The following LRFN2 variants were observed in gnomAD, a reference collection of about 807,000 sequenced individuals.
The protein encoded by LRFN2 is leucine-rich repeat and fibronectin type-III domain-containing protein 2.
A neutral mutation model predicts 37.3 loss-of-function variants in LRFN2; 18 were observed. The observed-to-expected ratio is 0.48, with a 90% CI of 0.33 to 0.72. LRFN2 has a LOEUF of 0.72. Among genes scored for constraint, LRFN2 ranks in the 30% least tolerant of loss-of-function variants. LRFN2 has a pLI of 0.02. For missense variants in LRFN2, 1,006 were observed against 1,060.7 expected (o/e 0.95, Z 0.72); for synonymous variants, 556 against 466.6 (o/e 1.19, Z -2.47).
chr6:40,543,388 C>T (rs1561901924), intron 1 of LRFN2, among the ~76,000 whole-genome samples: 1 of 152,182 alleles, frequency 6.6e-6, no homozygotes, highest in Non-Finnish European at 1.5e-5. Context: ...ATATGAGTCA[C>T]ATTATTGACT....
At chr6:40,498,794 C>A (rs1765299698) in intron 1 of LRFN2, among the ~76,000 whole-genome samples, 1 of 152,194 alleles carries the variant, frequency 6.6e-6, no homozygotes, top group Non-Finnish European at 1.5e-5. Flanking sequence ...GAGGCACAGA[C>A]ACTTTGCCTC....
chr6:40,511,053 G>T lies in LRFN2; in HGVS notation c.-19+75888C>A, dbSNP rs1171869918. On this transcript the variant is annotated intron_variant, in intron 1 of 2. Coordinates refer to ENST00000338305, the MANE Select transcript of LRFN2 (RefSeq NM_020737.3). ...GAGGGAGAGAGGTGAGACCATGGGG[G>T]AGAAGGCCAAAGGGAGCCTGGGGCA... Among the ~76,000 whole-genome samples, 5 of 152,280 alleles carry T rather than the reference G, an allele frequency of 3.3e-5. 1 individual carries two copies. In the East Asian group the frequency reaches 9.6e-4, roughly 29 times the overall value.
chr6:40,568,371 T>C (rs1020759460), intron 1 of LRFN2, among the ~76,000 whole-genome samples: 2 of 152,176 alleles, frequency 1.3e-5, no homozygotes, highest in African/African-American at 4.8e-5. Flanking sequence ...AGATGGTATA[T>C]TGGAAATTGA....
intron 1 of LRFN2, among the ~76,000 whole-genome samples, chr6:40,495,323 G>C (rs1163605331): frequency 6.6e-6 from 1 of 152,100 alleles, no homozygotes; most frequent in East Asian, 1.9e-4. Flanking sequence ...TGAAAAACAT[G>C]GCTCCCTATT....
chr6:40,499,315 G>A (rs1765314281), intron 1 of LRFN2, among the ~76,000 whole-genome samples: 1 of 152,140 alleles, frequency 6.6e-6, no homozygotes, highest in South Asian at 2.1e-4. Context: ...TCAGGACGGG[G>A]CCAAGCACAG....
At chr6:40,478,801 C>A (rs55804822) in intron 1 of LRFN2, among the ~76,000 whole-genome samples, 18,814 of 152,150 alleles carry the variant, frequency 0.12, 2,719 homozygotes, top group African/African-American at 0.35. Context: ...GTGTGTGAGG[C>A]CACATTCTGA....
chr6:40,515,218 G>A (rs1765828362), intron 1 of LRFN2, among the ~76,000 whole-genome samples: 1 of 152,158 alleles, frequency 6.6e-6, no homozygotes, highest in Non-Finnish European at 1.5e-5. Flanking sequence ...GGATCCAGAG[G>A]GATGCTGAGG....
At chr6:40,566,599 C>T (rs1391285005) in intron 1 of LRFN2, among the ~76,000 whole-genome samples, 5 of 151,622 alleles carry the variant, frequency 3.3e-5, no homozygotes, top group Non-Finnish European at 5.9e-5. Context: ...ATGGATGAAG[C>T]TGGAAACCAT....
chr6:40,577,060 G>A (rs1043809757), intron 1 of LRFN2, among the ~76,000 whole-genome samples: 2 of 90,592 alleles, frequency 2.2e-5, no homozygotes, highest in Non-Finnish European at 4.9e-5. Flanking sequence ...CCCTCTTCTG[G>A]GTCCTGGTCC....
intron 1 of LRFN2, among the ~76,000 whole-genome samples, chr6:40,571,049 C>T (rs1037220414): frequency 3.9e-5 from 6 of 152,290 alleles, no homozygotes; most frequent in African/African-American, 1.4e-4. Context: ...GCAAGAGGCC[C>T]CGGAAGCAGA....
chr6:40,441,475 A>G (rs771460241), intron 1 of LRFN2, among the ~76,000 whole-genome samples: 2 of 152,114 alleles, frequency 1.3e-5, no homozygotes, highest in Non-Finnish European at 2.9e-5. Context: ...GCTGGATTTC[A>G]CCAGTGGGGG....
Position 40,415,699 on chromosome 6 carries a change from T to A in LRFN2, c.1400+16015A>T, listed in dbSNP as rs144354132. On this transcript the variant is annotated intron_variant, in intron 2 of 2. Coordinates refer to ENST00000338305, the MANE Select transcript of LRFN2 (RefSeq NM_020737.3). ...AATAGTTGTTTAACGTTTGTCTGCC[T>A]GGGAGATGCGAGTTGCAGGAGGGCA... 4.2e-3 allele frequency among the ~76,000 whole-genome samples: 638 copies of A among 152,314 alleles called. 26 individuals are homozygous for A. In the East Asian group the frequency reaches 0.064, roughly 15 times the overall value.
intron 2 of LRFN2, among the ~76,000 whole-genome samples, chr6:40,407,109 A>G (rs1762863115): frequency 6.6e-6 from 1 of 152,228 alleles, no homozygotes; most frequent in African/African-American, 2.4e-5. Flanking sequence ...TTGCTTAAAC[A>G]GTGTCCCCAC....
rs1234796467 is a variant in LRFN2 at position 40,432,586 on chromosome 6, G to A, written c.528C>T (p.His176=). ...WDSVRRMVNL[H]QLSLDHNLLD... ...GCAGGTTGTGGTCCAGGCTCAGCTG[G>A]TGGAGGTTGACCATGCGTCGCACGG... Residue 176 remains histidine, a synonymous_variant, in exon 2 of 3, where the codon CAC becomes CAT. Transcript: ENST00000338305. 4 of 1,614,108 alleles carry A rather than the reference G, an allele frequency of 2.5e-6. No homozygotes were observed. The highest frequency in any genetic ancestry group is 2.2e-5 in the South Asian group (2 of 91,094).
At chr6:40,429,320 T>C (rs575818227) in intron 2 of LRFN2, among the ~76,000 whole-genome samples, 2 of 152,356 alleles carry the variant, frequency 1.3e-5, no homozygotes, top group East Asian at 3.9e-4. Flanking sequence ...TTGGCAATGC[T>C]AGTGTGTTGC....
intron 1 of LRFN2, among the ~76,000 whole-genome samples, chr6:40,546,028 A>G (rs1202446531): frequency 6.6e-6 from 1 of 152,174 alleles, no homozygotes; most frequent in East Asian, 1.9e-4. Context: ...TTAGACAAGT[A>G]GCTTCTGTGG....
chr6:40,462,059 C>G (rs559340770), intron 1 of LRFN2, among the ~76,000 whole-genome samples: 1 of 152,278 alleles, frequency 6.6e-6, no homozygotes, highest in Admixed American at 6.5e-5. Flanking sequence ...TTTACACATA[C>G]CTTTGTGAAA....
chr6:40,563,524 T>A (rs1201084084), intron 1 of LRFN2, among the ~76,000 whole-genome samples: 1 of 152,190 alleles, frequency 6.6e-6, no homozygotes, highest in East Asian at 1.9e-4. Context: ...TGGATGAACA[T>A]CACCTGTTGC....
At chr6:40,523,585 C>T (rs186239491) in intron 1 of LRFN2, among the ~76,000 whole-genome samples, 6 of 144,224 alleles carry the variant, frequency 4.2e-5, no homozygotes, top group African/African-American at 1.0e-4. Flanking sequence ...ACAGAGGCTA[C>T]GAATAATACC....
Sources: gnomAD v4.1 joint callset for allele counts (sites outside exome capture counted in the v4.1 genomes callset) on GRCh38, gnomAD v4.1.1 for gene constraint, MANE v1.5 for transcripts, NCBI Gene and HGNC (gene_info 2026-07-23, HGNC 2026-07-21) for gene names.